Variants in CUL4A observed in about 807,000 individuals in gnomAD.
The protein encoded by CUL4A is cullin-4A.
Under a neutral mutation model 95.5 loss-of-function variants are expected in CUL4A, and 16 were observed. That is an observed-to-expected ratio of 0.17 (90% CI 0.11 to 0.25). CUL4A has a LOEUF of 0.25. Among genes scored for constraint, CUL4A ranks in the 10% least tolerant of loss-of-function variants. CUL4A has a pLI of 1.00. For synonymous variants in CUL4A, 380 were observed against 353.1 expected (o/e 1.08, Z -0.85); for missense variants, 610 against 937.0 (o/e 0.65, Z 4.56).
Position 113,235,104 on chromosome 13 carries a change from A to G in CUL4A, c.807A>G (p.Glu269=). The G allele has an allele frequency of 6.2e-7, 1 of 1,613,592 alleles. No individual in the cohort carries two copies. Among genetic ancestry groups the G allele is most frequent in the Non-Finnish European group, 8.5e-7 (1 of 1,179,562 alleles). Residue 269 remains glutamate (E), a synonymous_variant, in exon 8 of 20, where the codon GAA becomes GAG. Transcript: ENST00000375440. ...YLNHVSKRLE[E]EGDRVITYLD... ...ACCATGTAAGTAAACGCTTAGAGGA[A>G]GAGGGAGACAGAGTAATCACTTACT...
intron 3 of CUL4A, among the ~76,000 whole-genome samples, chr13:113,222,833 G>A (rs937305179): frequency 2.6e-5 from 4 of 152,162 alleles, no homozygotes; most frequent in East Asian, 1.9e-4. Flanking sequence ...CCAGGAGGCC[G>A]AGGCTGCAGT....
chr13:113,210,224 G>C, intron 2 of CUL4A, 136 bp downstream of exon 2: 1 of 539,892 alleles, frequency 1.9e-6, no homozygotes. Context: ...CTGCAGGGCC[G>C]GGAGCCCCAG....
chr13:113,234,965 T>A lies in CUL4A; in HGVS notation c.766-98T>A, dbSNP rs1246930208. ...TTTGGCTTGAATATGTATTCTGCTT[T>A]TTAAAAAAATTACATGTAAGGAAAA... is the stretch of plus-strand genomic sequence containing the variant. On this transcript the variant is annotated intron_variant, in intron 7 of 19. Transcript: ENST00000375440. 18 of 887,134 alleles carry A rather than the reference T, an allele frequency of 2.0e-5. No individual in the cohort carries two copies. In the Admixed American group the frequency reaches 4.5e-4, roughly 22 times the overall value. 55.0% of individuals were successfully genotyped at this position (887,134 alleles called of 1,614,324 possible).
chr13:113,249,281 G>A (rs1229200881), intron 15 of CUL4A, among the ~76,000 whole-genome samples: 1 of 151,498 alleles, frequency 6.6e-6, no homozygotes, highest in African/African-American at 2.4e-5. Flanking sequence ...CATCCATGCT[G>A]TACCATACAT....
chr13:113,251,979 C>T (rs1029765497), intron 15 of CUL4A, among the ~76,000 whole-genome samples: 1 of 152,224 alleles, frequency 6.6e-6, no homozygotes, highest in South Asian at 2.1e-4. Flanking sequence ...TGAGCCCTTG[C>T]GTGCGCAGCA....
chr13:113,214,678 G>A (rs989798147), intron 2 of CUL4A, among the ~76,000 whole-genome samples: 1 of 152,164 alleles, frequency 6.6e-6, no homozygotes, highest in Non-Finnish European at 1.5e-5. Flanking sequence ...AGGAAAGCCA[G>A]GCTGTCTTTC....
chr13:113,213,532 T>C (rs921176164), intron 2 of CUL4A, among the ~76,000 whole-genome samples: 2 of 152,254 alleles, frequency 1.3e-5, no homozygotes, highest in African/African-American at 2.4e-5. Flanking sequence ...TAATAAAATA[T>C]GATACCTTAC....
chr13:113,208,853 G>A, upstream of CUL4A: 2 of 1,406,680 alleles, frequency 1.4e-6, no homozygotes, highest in Non-Finnish European at 1.8e-6. Flanking sequence ...CAGCCGGGAC[G>A]CCAGCGGCTC....
At chr13:113,250,395 T>C (rs938949798) in intron 15 of CUL4A, among the ~76,000 whole-genome samples, 2 of 152,148 alleles carry the variant, frequency 1.3e-5, no homozygotes, top group Admixed American at 6.5e-5. Flanking sequence ...AAGGCTGCAG[T>C]GAGCTGTGAT....
upstream of CUL4A, chr13:113,208,934 A>G (rs911010999): frequency 6.9e-6 from 9 of 1,296,678 alleles, no homozygotes; most frequent in African/African-American, 1.3e-4. Context: ...CCACGGCTAA[A>G]CTGCCTTTCA....
Position 113,232,218 on chromosome 13 carries a change from G to GTCACCACTACCCGCCCACCACCATTA in CUL4A, c.513-959_513-958insTCACCACTACCCGCCCACCACCATTA, listed in dbSNP as rs1566343834. On this transcript the variant is annotated intron_variant, in intron 5 of 19. Transcript: ENST00000375440. ...CCACTACCCGCCCACCACCATTACT[G>GTCACCACTACCCGCCCACCACCATTA]CTGCCACCACTACCCGCCCACCACC... 3.1e-3 allele frequency among the ~76,000 whole-genome samples: 8 copies of GTCACCACTACCCGCCCACCACCATTA among 2,598 alleles called. 2 individuals are homozygous for GTCACCACTACCCGCCCACCACCATTA. Among genetic ancestry groups the GTCACCACTACCCGCCCACCACCATTA allele is most frequent in the Admixed American group, 0.018 (4 of 222 alleles). 1.7% of individuals were successfully genotyped at this position (2,598 alleles called of 152,430 possible).
chr13:113,263,419 C>T, intron 19 of CUL4A, 68 bp from the exon 20 acceptor site: 10 of 762,338 alleles, frequency 1.3e-5, no homozygotes, highest in East Asian at 2.7e-5. Flanking sequence ...ATGCATATAC[C>T]CCTTGTATGT....
intron 2 of CUL4A, among the ~76,000 whole-genome samples, chr13:113,211,907 C>A (rs1463923735): frequency 1.3e-5 from 2 of 151,960 alleles, no homozygotes; most frequent in Non-Finnish European, 2.9e-5. Context: ...GCTCCGGTTC[C>A]ACTCCGCCAC....
chr13:113,243,159 C>A lies in CUL4A; in HGVS notation c.1227C>A (p.Ile409=), dbSNP rs201765674. Residue 409 remains isoleucine (I), a splice_region_variant and synonymous_variant, in exon 11 of 20, where the codon ATC becomes ATA. Coordinates refer to ENST00000375440, the MANE Select transcript of CUL4A (RefSeq NM_001008895.4). ...NKRPNKPAEL[I]AKHVDSKLRA... is the part of the protein sequence containing the mutation. ...GACCCAACAAGCCTGCAGAACTGAT[C>A]GGTAGAAAAATATTTGTTTTTTTTG... 3.8e-6 allele frequency: 6 copies of A among 1,585,988 alleles called. No homozygotes were observed. The highest frequency in any genetic ancestry group is 1.7e-5 in the Admixed American group (1 of 57,760).
intron 5 of CUL4A, 111 bp downstream of exon 5, chr13:113,229,630 T>G (rs1169316424): frequency 8.9e-6 from 8 of 898,836 alleles, no homozygotes; most frequent in African/African-American, 1.7e-5. Context: ...ACTTGTGCCT[T>G]CCTTTCTTCA....
At position 113,218,931 on chromosome 13, in the gene CUL4A, C is replaced by G; in HGVS notation, c.265-14C>G. 1 of 1,563,476 alleles carries G rather than the reference C, an allele frequency of 6.4e-7. No homozygotes were observed. The highest frequency in any genetic ancestry group is 8.8e-7 in the Non-Finnish European group (1 of 1,140,310). ...GTTCATACTGAAGAATTGATGTAGC[C>G]CTTTTGTTTGCAGGCTGTGGAAAAT... is the stretch of plus-strand genomic sequence containing the variant. On this transcript the variant is annotated splice_polypyrimidine_tract_variant and intron_variant, in intron 2 of 19. Coordinates refer to ENST00000375440, the MANE Select transcript of CUL4A (RefSeq NM_001008895.4).
chr13:113,208,399 C>T (rs2040110446), upstream of CUL4A: 2 of 1,453,634 alleles, frequency 1.4e-6, no homozygotes, highest in Non-Finnish European at 1.8e-6. Context: ...CCCACGGCGG[C>T]CCTGCAGGGG....
chr13:113,266,360 T>C lies in CUL4A; in HGVS notation c.*2778T>C, dbSNP rs1430221803. ...ATAGCAACCCCCAAAAAAGATAAAA[T>C]ACCTAGTAACAAATAGGGAAACACC... On this transcript the variant is annotated 3_prime_UTR_variant, in exon 20 of 20. Coordinates refer to ENST00000375440, the MANE Select transcript of CUL4A (RefSeq NM_001008895.4). 1 of 152,080 alleles carries C rather than the reference T, an allele frequency of 6.6e-6. No homozygotes were observed. The highest frequency in any genetic ancestry group is 2.4e-5 in the African/African-American group (1 of 41,406). 9.4% of individuals were successfully genotyped at this position (152,080 alleles called of 1,614,324 possible). A position where few individuals can be genotyped will look rare whatever the true frequency, so the allele number is the denominator to read the frequency against.
At chr13:113,208,696 T>C (rs2040160846), upstream of CUL4A, 7 of 1,550,500 alleles carry the variant, frequency 4.5e-6, no homozygotes, top group South Asian at 8.3e-5. Flanking sequence ...CTGGCGTCAC[T>C]TCCGGCCCTC....
Sources: gnomAD v4.1 joint callset for allele counts (sites outside exome capture counted in the v4.1 genomes callset) on GRCh38, gnomAD v4.1.1 for gene constraint, MANE v1.5 for transcripts, NCBI Gene and HGNC (gene_info 2026-07-23, HGNC 2026-07-21) for gene names.